Variants in LIN7A observed in about 807,000 individuals in gnomAD.
The protein encoded by LIN7A is lin-7 cell polarity scaffold A.
Under a neutral mutation model 29.8 loss-of-function variants are expected in LIN7A, and 25 were observed. The ratio of observed to expected loss-of-function variants is 0.84; its 90% CI spans 0.61 to 1.17. The LOEUF is 1.17. Among genes scored for constraint, LIN7A ranks in the 50% most tolerant of loss-of-function variants. The probability of loss-of-function intolerance (pLI) is 0.00; values close to 1 mark genes in which losing one functional copy is unlikely to be tolerated. For missense variants in LIN7A, 239 were observed against 287.0 expected, an observed-to-expected ratio of 0.83 and a Z score of 1.21; for synonymous variants, 118 against 107.5, an observed-to-expected ratio of 1.10 and a Z score of -0.60.
intron 4 of LIN7A, among the ~76,000 whole-genome samples, chr12:80,819,239 A>T (rs1871681414): frequency 6.6e-6 from 1 of 152,216 alleles, no homozygotes; most frequent in African/African-American, 2.4e-5. Context: ...TAAAGGAAAA[A>T]ATGTAGTATA....
chr12:80,885,180 A>G (rs1429150449), intron 2 of LIN7A, among the ~76,000 whole-genome samples: 1 of 152,138 alleles, frequency 6.6e-6, no homozygotes, highest in Non-Finnish European at 1.5e-5. Flanking sequence ...AGCTATTTGC[A>G]CTGCAATTCA....
chr12:80,899,012 T>C (rs1876057266), intron 1 of LIN7A, among the ~76,000 whole-genome samples: 1 of 152,120 alleles, frequency 6.6e-6, no homozygotes, highest in African/African-American at 2.4e-5. Context: ...GCTAATCCAG[T>C]ACTATGTCGA....
At chr12:80,807,077 T>TTTTTTTTTTGTTTG (rs1555221364) in intron 5 of LIN7A, among the ~76,000 whole-genome samples, 1,551 of 115,550 alleles carry the variant, frequency 0.013, 98 homozygotes, top group East Asian at 0.033. Flanking sequence ...TTTTTTTTTT[T>TTTTTTTTTTGTTTG]TTTTTTTTTT....
At chr12:80,857,666 A>C (rs1310009924) in intron 2 of LIN7A, among the ~76,000 whole-genome samples, 1 of 152,170 alleles carries the variant, frequency 6.6e-6, no homozygotes, top group African/African-American at 2.4e-5. Flanking sequence ...TCATGTCTTA[A>C]AGCCAATTTC....
intron 2 of LIN7A, among the ~76,000 whole-genome samples, chr12:80,880,926 G>A (rs1448315429): frequency 1.3e-5 from 2 of 152,050 alleles, no homozygotes; most frequent in Non-Finnish European, 2.9e-5. Flanking sequence ...TTGAAATATT[G>A]GCAAAATACC....
At chr12:80,935,828 C>G (rs769610856) in intron 1 of LIN7A, 5 of 486,520 alleles carry the variant, frequency 1.0e-5, no homozygotes, top group Non-Finnish European at 2.2e-5. Context: ...TGGCTGTGAA[C>G]AAGAGCAAAC....
chr12:80,812,714 G>A (rs930396199), intron 4 of LIN7A, among the ~76,000 whole-genome samples: 6 of 151,754 alleles, frequency 4.0e-5, no homozygotes, highest in African/African-American at 1.5e-4. Flanking sequence ...ACCACGCCCG[G>A]CTAATTTTAT....
intron 4 of LIN7A, among the ~76,000 whole-genome samples, chr12:80,816,935 C>G (rs1253774792): frequency 6.6e-6 from 1 of 152,038 alleles, no homozygotes; most frequent in Non-Finnish European, 1.5e-5. Context: ...TGCCCAGCTA[C>G]TTTTTGTATT....
At chr12:80,803,949 A>C (rs1870843792) in intron 5 of LIN7A, among the ~76,000 whole-genome samples, 1 of 152,222 alleles carries the variant, frequency 6.6e-6, no homozygotes, top group South Asian at 2.1e-4. Context: ...GAATAAGAGC[A>C]AGAGGCTTTA....
chr12:80,800,888 A>T (rs1870689598), intron 5 of LIN7A, among the ~76,000 whole-genome samples: 2 of 152,202 alleles, frequency 1.3e-5, no homozygotes, highest in Non-Finnish European at 2.9e-5. Context: ...AACAAGATTT[A>T]AAAATGTTAA....
At chr12:80,927,092 A>C (rs1219006368) in intron 1 of LIN7A, among the ~76,000 whole-genome samples, 1 of 149,540 alleles carries the variant, frequency 6.7e-6, no homozygotes, top group Non-Finnish European at 1.5e-5. Context: ...CTAAAATGAT[A>C]TGGTTTTTCT....
At chr12:80,841,993 G>A (rs1160494553) in intron 4 of LIN7A, 4 of 1,268,310 alleles carry the variant, frequency 3.2e-6, no homozygotes, top group East Asian at 5.7e-5. Flanking sequence ...CTATGGAATT[G>A]TATTAGGTGG....
At chr12:80,878,572 G>C (rs1184720971) in intron 2 of LIN7A, among the ~76,000 whole-genome samples, 1 of 152,174 alleles carries the variant, frequency 6.6e-6, no homozygotes, top group Non-Finnish European at 1.5e-5. Context: ...TTATTCTGAA[G>C]AGAGAAAGAA....
intron 4 of LIN7A, among the ~76,000 whole-genome samples, chr12:80,839,834 G>A (rs554381418): frequency 1.3e-5 from 2 of 152,206 alleles, no homozygotes; most frequent in Admixed American, 1.3e-4. Flanking sequence ...AATTTATTCT[G>A]TCCCATCCCT....
intron 1 of LIN7A, 139 bp downstream of exon 1, chr12:80,937,502 G>A (rs1878304092): frequency 2.0e-6 from 1 of 494,968 alleles, no homozygotes; most frequent in Non-Finnish European, 3.4e-6. Context: ...TGTTCTCGGC[G>A]CGAACGCCTT....
chr12:80,813,989 T>C (rs1871416610), intron 4 of LIN7A, among the ~76,000 whole-genome samples: 1 of 152,004 alleles, frequency 6.6e-6, no homozygotes, highest in Admixed American at 6.6e-5. Flanking sequence ...TGTTTGACAT[T>C]ACATTTTCAC....
chr12:80,842,411 A>AT (rs1565898156), intron 4 of LIN7A, among the ~76,000 whole-genome samples: 4 of 151,950 alleles, frequency 2.6e-5, no homozygotes, highest in Non-Finnish European at 5.9e-5. Flanking sequence ...GATCTGCCTA[A>AT]ATATATATAT....
chr12:80,879,139 CAT>C (rs1874883258), intron 2 of LIN7A, among the ~76,000 whole-genome samples: 1 of 152,064 alleles, frequency 6.6e-6, no homozygotes, highest in Non-Finnish European at 1.5e-5. Flanking sequence ...TGAAGAAAAA[CAT>C]AGATTGCTTG....
chr12:80,809,001 T>C (rs1159827755), intron 5 of LIN7A, among the ~76,000 whole-genome samples: 2 of 151,656 alleles, frequency 1.3e-5, no homozygotes, highest in South Asian at 2.1e-4. Flanking sequence ...TGTGGTTTTT[T>C]TGAGACAGAG....
Sources: gnomAD v4.1 joint callset for allele counts (sites outside exome capture counted in the v4.1 genomes callset) on GRCh38, gnomAD v4.1.1 for gene constraint, MANE v1.5 for transcripts, NCBI Gene and HGNC (gene_info 2026-07-23, HGNC 2026-07-21) for gene names.